NMT2: variants seen among roughly 807,000 people sequenced by gnomAD.
NMT2 encodes N-myristoyltransferase 2, also known as glycylpeptide N-tetradecanoyltransferase 2.
Under a neutral mutation model 65.4 loss-of-function variants are expected in NMT2, and 35 were observed. The ratio of observed to expected loss-of-function variants is 0.54; its 90% CI spans 0.41 to 0.71. NMT2 has a LOEUF of 0.71. Among genes scored for constraint, NMT2 ranks in the 30% least tolerant of loss-of-function variants. The pLI is 0.00. For synonymous variants in NMT2, 226 were observed against 231.8 expected, an observed-to-expected ratio of 0.98 and a Z score of 0.23; for missense variants, 489 against 611.3, an observed-to-expected ratio of 0.80 and a Z score of 2.11.
chr10:15,168,142 C>A (rs1428094104), intron 1 of NMT2, among the ~76,000 whole-genome samples: 1 of 152,174 alleles, frequency 6.6e-6, no homozygotes, highest in African/African-American at 2.4e-5. Flanking sequence ...AAGGGAAGGG[C>A]GTAGCGCCTC....
rs1463122387 is a variant in NMT2 at position 15,108,289 on chromosome 10, C to T, written c.*906G>A. On this transcript the variant is annotated 3_prime_UTR_variant, in exon 12 of 12. Transcript: ENST00000378165. ...TGCAACCTCACCTCTCAGGTTCAAGCGATTCTCCTGCCTCAGCCTCCCAAG... is the reference window on the plus strand; with the variant it reads ...TGCAACCTCACCTCTCAGGTTCAAGTGATTCTCCTGCCTCAGCCTCCCAAG... 1.6e-5 allele frequency: 11 copies of T among 688,522 alleles called. No homozygotes were observed. The highest frequency in any genetic ancestry group is 6.5e-5 in the South Asian group (1 of 15,322). 42.7% of individuals were successfully genotyped at this position (688,522 alleles called of 1,614,324 possible).
At chr10:15,112,202 ATATATATATATATATTTTTTTTTTTTTTT>A (rs1255389752) in intron 10 of NMT2, among the ~76,000 whole-genome samples, 3 of 16,490 alleles carry the variant, frequency 1.8e-4, no homozygotes, top group African/African-American at 8.2e-4. Flanking sequence ...ATATATATAT[ATATATATATATATATTTTTTTTTTTTTTT>A]TTTTTTTTTT....
At position 15,107,064 on chromosome 10, in the gene NMT2, G is replaced by A. The variant is rs1845328656; in HGVS notation, c.*2131C>T. On this transcript the variant is annotated 3_prime_UTR_variant, in exon 12 of 12. Transcript: ENST00000378165. ...TTGGGGCTGCAGTGAGCTGTTGACT[G>A]TGCCACTGTATTCTAGCCTGGACAA... Among the ~76,000 whole-genome samples the A allele has an allele frequency of 6.7e-6, 1 of 148,680 alleles. No individual in the cohort carries two copies. Among genetic ancestry groups the A allele is most frequent in the Non-Finnish European group, 1.5e-5 (1 of 67,716 alleles).
At chr10:15,150,929 G>A (rs567177912) in intron 1 of NMT2, among the ~76,000 whole-genome samples, 27 of 152,218 alleles carry the variant, frequency 1.8e-4, no homozygotes, top group African/African-American at 6.5e-4. Flanking sequence ...GTCCCTCTTC[G>A]CTAGCTTCTG....
Position 15,135,374 on chromosome 10 carries a change from T to G in NMT2, c.291A>C (p.Ala97=). 6.2e-7 allele frequency: 1 copy of G among 1,614,202 alleles called. No homozygotes were observed. The highest frequency in any genetic ancestry group is 8.5e-7 in the Non-Finnish European group (1 of 1,180,018). Residue 97 remains alanine (A), a synonymous_variant, in exon 3 of 12, where the codon GCA becomes GCC. Coordinates refer to ENST00000378165, the MANE Select transcript of NMT2 (RefSeq NM_004808.3). The part of the protein sequence containing the change: ...PMQKLQDIQR[A]MELLSACQGP... ...CCTGGCATGCGGATAGCAGCTCCAT[T>G]GCTCTCTGGATATCCTGCAACTTCT...
At chr10:15,153,411 T>TC (rs1262830983) in intron 1 of NMT2, among the ~76,000 whole-genome samples, 6 of 152,344 alleles carry the variant, frequency 3.9e-5, no homozygotes, top group African/African-American at 1.4e-4. Context: ...CATGCTCCCA[T>TC]CCTTGCCACC....
At chr10:15,134,737 T>A (rs1026522372) in intron 3 of NMT2, among the ~76,000 whole-genome samples, 16 of 152,128 alleles carry the variant, frequency 1.1e-4, no homozygotes, top group African/African-American at 3.6e-4. Flanking sequence ...ACCCAGCACT[T>A]TGGGAGGCCA....
intron 10 of NMT2, among the ~76,000 whole-genome samples, chr10:15,112,174 TTATATATATATATATATATATATATATA>T (rs1331603632): frequency 7.6e-4 from 22 of 28,878 alleles, no homozygotes; most frequent in South Asian, 3.6e-3. Context: ...GATATGGGCT[TTATATATATATATATATATATATATATA>T]TATATATATA....
At chr10:15,128,146 G>C (rs1031796895) in intron 8 of NMT2, among the ~76,000 whole-genome samples, 1 of 152,142 alleles carries the variant, frequency 6.6e-6, no homozygotes, top group African/African-American at 2.4e-5. Context: ...ACAACTTTAA[G>C]AGCCTTGGGA....
At chr10:15,123,548 A>G (rs1845991695) in intron 8 of NMT2, among the ~76,000 whole-genome samples, 1 of 151,812 alleles carries the variant, frequency 6.6e-6, no homozygotes, top group Non-Finnish European at 1.5e-5. Context: ...AAAAAAAAAA[A>G]AAAAAAAGAA....
chr10:15,119,286 C>G, intron 9 of NMT2, 57 bp downstream of exon 9: 1 of 1,500,252 alleles, frequency 6.7e-7, no homozygotes. Flanking sequence ...TTCTGCTGCA[C>G]GCTGAACACA....
chr10:15,156,708 C>G (rs1833012380), intron 1 of NMT2, among the ~76,000 whole-genome samples: 1 of 151,972 alleles, frequency 6.6e-6, no homozygotes, highest in Admixed American at 6.6e-5. Flanking sequence ...ACCAGCCTGA[C>G]CAACATGGTG....
intron 1 of NMT2, among the ~76,000 whole-genome samples, chr10:15,156,213 A>G (rs1225949010): frequency 1.3e-5 from 2 of 152,114 alleles, no homozygotes; most frequent in Non-Finnish European, 2.9e-5. Flanking sequence ...TAACTGAATC[A>G]TGGGGGCGGT....
rs1256736300 is a variant in NMT2, at chr10:15,153,681, C to T, written c.111-12124G>A. On this transcript the variant is annotated intron_variant, in intron 1 of 11. Coordinates refer to ENST00000378165, the MANE Select transcript of NMT2 (RefSeq NM_004808.3). The stretch of plus-strand genomic sequence containing the variant: ...TTATTTTTTTTTTGAGACAGAGTCT[C>T]GTTCTGTCGCCCAGGCTGGAGTGCA... Among the ~76,000 whole-genome samples the T allele has an allele frequency of 2.6e-5, 4 of 152,008 alleles. No homozygotes were observed. In the East Asian group the frequency reaches 5.8e-4, roughly 22 times the overall value.
chr10:15,163,184 T>C (rs1833259537), intron 1 of NMT2, among the ~76,000 whole-genome samples: 1 of 152,208 alleles, frequency 6.6e-6, no homozygotes, highest in Non-Finnish European at 1.5e-5. Context: ...AGCACTGGGA[T>C]GACAGGCATG....
At chr10:15,126,114 G>A (rs1245180634) in intron 8 of NMT2, among the ~76,000 whole-genome samples, 2 of 151,714 alleles carry the variant, frequency 1.3e-5, no homozygotes, top group Non-Finnish European at 2.9e-5. Flanking sequence ...CAGGACCTGT[G>A]ATTTGGTTCT....
Position 15,108,258 on chromosome 10 carries a change from G to T in NMT2, c.*937C>A. On this transcript the variant is annotated 3_prime_UTR_variant, in exon 12 of 12. Coordinates refer to ENST00000378165, the MANE Select transcript of NMT2 (RefSeq NM_004808.3). ...GCTGGAGTGCAGTGGCTCGATCTCG[G>T]CTCACTGCAACCTCACCTCTCAGGT... The T allele has an allele frequency of 1.2e-6, 1 of 851,070 alleles. No individual in the cohort carries two copies. 52.7% of individuals were successfully genotyped at this position (851,070 alleles called of 1,614,324 possible).
In NMT2 at chr10:15,122,932, TTAAAAAAA is replaced by T. The variant is rs965830477; in HGVS notation, c.1000-3427_1000-3420del. Among the ~76,000 whole-genome samples the T allele has an allele frequency of 1.2e-4, 17 of 147,554 alleles. No homozygotes were observed. The South Asian group carries it at 3.1e-3, about 27-fold the overall frequency. On this transcript the variant is annotated intron_variant, in intron 8 of 11. Coordinates refer to ENST00000378165, the MANE Select transcript of NMT2 (RefSeq NM_004808.3). ...CATACTAGTGTTATTATGAAAATAG[TTAAAAAAA>T]AAAAATGACTGCATAGATTCAAAGA...
At chr10:15,138,504 C>G (rs142725953) in intron 2 of NMT2, 2 of 470,760 alleles carry the variant, frequency 4.2e-6, no homozygotes, top group Non-Finnish European at 8.8e-6. Context: ...TAACTTCCCA[C>G]GATTCCACTC....
Sources: allele counts gnomAD v4.1 joint callset (sites outside exome capture counted in the v4.1 genomes callset), GRCh38; gene constraint gnomAD v4.1.1; transcripts MANE v1.5; gene names NCBI Gene and HGNC (gene_info 2026-07-23, HGNC 2026-07-21).